Variants in SLC4A4 observed in about 807,000 individuals in gnomAD.
SLC4A4 encodes the protein electrogenic sodium bicarbonate cotransporter 1.
SLC4A4 carries 27 observed loss-of-function variants against 111.5 expected under a neutral mutation model. The observed-to-expected ratio is 0.24, with a 90% confidence interval of 0.18 to 0.33. The LOEUF is 0.33. SLC4A4 is among the 10% of genes least tolerant of loss of function. The probability of loss-of-function intolerance (pLI) is 1.00; values close to 1 mark genes in which losing one functional copy is unlikely to be tolerated. For synonymous variants in SLC4A4, 443 were observed against 463.4 expected (o/e 0.96, Z 0.57); for missense variants, 909 against 1,315.5 (o/e 0.69, Z 4.78).
At chr4:71,525,263 C>A (rs1284137776) in intron 16 of SLC4A4, among the ~76,000 whole-genome samples, 2 of 152,124 alleles carry the variant, frequency 1.3e-5, no homozygotes, top group Non-Finnish European at 2.9e-5. Context: ...CTGCTGGCTT[C>A]TTATTAGATT....
chr4:71,305,635 G>C (rs141736722), intron 3 of SLC4A4, among the ~76,000 whole-genome samples: 1 of 152,186 alleles, frequency 6.6e-6, no homozygotes, highest in Non-Finnish European at 1.5e-5. Flanking sequence ...CTAGCACACT[G>C]TGAATCTCAG....
chr4:71,337,438 T>C (rs574284467), intron 3 of SLC4A4, among the ~76,000 whole-genome samples: 45 of 152,322 alleles, frequency 3.0e-4, no homozygotes, highest in Middle Eastern at 3.4e-3. Context: ...ACTTCATATT[T>C]TATGATTGAG....
chr4:71,352,909 C>T (rs1171033048), intron 5 of SLC4A4, among the ~76,000 whole-genome samples: 2 of 152,254 alleles, frequency 1.3e-5, no homozygotes, highest in East Asian at 3.9e-4. Flanking sequence ...AACTGATCAG[C>T]AAGGGTGATG....
chr4:71,063,645 C>T (rs1049567858), intron 1 of SLC4A4, among the ~76,000 whole-genome samples: 2 of 151,956 alleles, frequency 1.3e-5, no homozygotes, highest in African/African-American at 4.8e-5. Context: ...AATTATTTTA[C>T]ATAACTGTAT....
intron 3 of SLC4A4, among the ~76,000 whole-genome samples, chr4:71,256,930 A>G (rs1038440396): frequency 6.6e-6 from 1 of 152,190 alleles, no homozygotes; most frequent in African/African-American, 2.4e-5. Context: ...TCAGATTAGA[A>G]CAAGAGTGCA....
At chr4:71,486,693 A>G (rs1404932831) in intron 14 of SLC4A4, among the ~76,000 whole-genome samples, 1 of 151,114 alleles carries the variant, frequency 6.6e-6, no homozygotes, top group African/African-American at 2.4e-5. Context: ...AACCTGAAAC[A>G]AATTTTAATA....
At chr4:71,452,608 G>A (rs932082534) in intron 11 of SLC4A4, among the ~76,000 whole-genome samples, 5 of 152,170 alleles carry the variant, frequency 3.3e-5, no homozygotes, top group African/African-American at 9.7e-5. Context: ...TCGGAGAGCT[G>A]TTGAGCTTCA....
In SLC4A4 at chr4:71,406,862, G is replaced by A. The variant is rs61231092; in HGVS notation, c.807+9209G>A. Among the ~76,000 whole-genome samples, 1,166 of 152,196 alleles carry A rather than the reference G, an allele frequency of 7.7e-3. 16 individuals carry two copies. Among genetic ancestry groups the A allele is most frequent in the African/African-American group, 0.025 (1,027 of 41,526 alleles). On this transcript the variant is annotated intron_variant, in intron 7 of 25. Coordinates refer to ENST00000264485, the MANE Select transcript of SLC4A4 (RefSeq NM_001098484.3). Reference sequence around the variant, plus strand: ...CTGTACTCTTCATCATTCAGTAGCTGTATCTGATAGTATTGAGTCTATTGC... The same window carrying A: ...CTGTACTCTTCATCATTCAGTAGCTATATCTGATAGTATTGAGTCTATTGC...
At chr4:71,130,823 G>A (rs540652166) in intron 2 of SLC4A4, among the ~76,000 whole-genome samples, 2 of 152,230 alleles carry the variant, frequency 1.3e-5, no homozygotes, top group African/African-American at 4.8e-5. Flanking sequence ...AAGATTTGTG[G>A]AATCAATACC....
chr4:71,078,674 A>G (rs1219593582), intron 1 of SLC4A4, among the ~76,000 whole-genome samples: 2 of 152,170 alleles, frequency 1.3e-5, no homozygotes, highest in African/African-American at 2.4e-5. Context: ...GCTCATACTC[A>G]TTCTAGCTCC....
At chr4:71,503,797 C>T (rs1195209982) in intron 16 of SLC4A4, among the ~76,000 whole-genome samples, 1 of 152,104 alleles carries the variant, frequency 6.6e-6, no homozygotes, top group Non-Finnish European at 1.5e-5. Flanking sequence ...CATGTATTTT[C>T]ATGATAATAA....
intron 3 of SLC4A4, among the ~76,000 whole-genome samples, chr4:71,281,565 T>A (rs1560843599): frequency 1.3e-5 from 2 of 152,210 alleles, no homozygotes; most frequent in South Asian, 2.1e-4. Context: ...AAGAAATTTT[T>A]AAAATAAAAT....
chr4:71,530,775 T>C (rs1417072664), intron 16 of SLC4A4, among the ~76,000 whole-genome samples: 1 of 152,154 alleles, frequency 6.6e-6, no homozygotes, highest in Non-Finnish European at 1.5e-5. Flanking sequence ...TTCCTCATTT[T>C]AGTTTCTGTT....
intron 2 of SLC4A4, among the ~76,000 whole-genome samples, chr4:71,163,717 A>C (rs1334595784): frequency 6.6e-6 from 1 of 152,254 alleles, no homozygotes; most frequent in Non-Finnish European, 1.5e-5. Flanking sequence ...CTCTGTGGCC[A>C]AATCTGGTCA....
intron 6 of SLC4A4, among the ~76,000 whole-genome samples, chr4:71,388,943 T>TG (rs1405990273): frequency 6.6e-5 from 10 of 152,206 alleles, no homozygotes; most frequent in Non-Finnish European, 1.3e-4. Flanking sequence ...TTGCTTTTGC[T>TG]GGTTGAAATT....
At chr4:71,418,861 C>A (rs36089904) in intron 7 of SLC4A4, among the ~76,000 whole-genome samples, 1 of 151,978 alleles carries the variant, frequency 6.6e-6, no homozygotes, top group East Asian at 1.9e-4. Flanking sequence ...GATGTACAGA[C>A]GGGTTTTTGG....
intron 5 of SLC4A4, among the ~76,000 whole-genome samples, chr4:71,356,594 A>C (rs1730302782): frequency 6.6e-6 from 1 of 152,228 alleles, no homozygotes; most frequent in Non-Finnish European, 1.5e-5. Flanking sequence ...TAGATTTTAA[A>C]AATCAACAAT....
intron 3 of SLC4A4, among the ~76,000 whole-genome samples, chr4:71,295,611 C>T (rs866123864): frequency 2.0e-5 from 3 of 152,186 alleles, no homozygotes; most frequent in South Asian, 2.1e-4. Context: ...GCAGCATCTG[C>T]TCAGTCCTCC....
At chr4:71,126,914 C>A (rs1743576953) in intron 2 of SLC4A4, among the ~76,000 whole-genome samples, 1 of 152,236 alleles carries the variant, frequency 6.6e-6, no homozygotes, top group African/African-American at 2.4e-5. Context: ...ACCTTTACGT[C>A]ACCACCACAG....
Sources: allele counts gnomAD v4.1 joint callset (sites outside exome capture counted in the v4.1 genomes callset), GRCh38; gene constraint gnomAD v4.1.1; transcripts MANE v1.5; gene names NCBI Gene and HGNC (gene_info 2026-07-23, HGNC 2026-07-21).